TRMT11: variants seen among roughly 807,000 people sequenced by gnomAD.
TRMT11 encodes tRNA methyltransferase 11.
A neutral mutation model predicts 62.8 loss-of-function variants in TRMT11; 53 were observed. The observed-to-expected ratio is 0.84, with a 90% CI of 0.68 to 1.06. The LOEUF (loss-of-function observed/expected upper bound fraction) is 1.06, where lower values mean the gene tolerates loss of function less well. Ranked by LOEUF, TRMT11 falls within the 50% of genes least tolerant of loss-of-function variation. TRMT11 has a pLI of 0.00. For synonymous variants in TRMT11, 188 were observed against 190.3 expected, an observed-to-expected ratio of 0.99 and a Z score of 0.10; for missense variants, 556 against 553.4, an observed-to-expected ratio of 1.00 and a Z score of -0.05.
chr6:126,001,617 A>AT (rs899836773), intron 7 of TRMT11, among the ~76,000 whole-genome samples: 2 of 150,842 alleles, frequency 1.3e-5, no homozygotes, highest in Admixed American at 1.3e-4. Flanking sequence ...ATTTTATTTT[A>AT]TTTTTTTTCT....
chr6:126,162,449 G>A (rs558745532), intron 21 of TRMT11, among the ~76,000 whole-genome samples: 1 of 152,200 alleles, frequency 6.6e-6, no homozygotes, highest in Non-Finnish European at 1.5e-5. Flanking sequence ...GTACCATTCT[G>A]TTTTGGTTAC....
At chr6:126,129,780 C>T (rs867365937) in intron 21 of TRMT11, among the ~76,000 whole-genome samples, 41 of 152,080 alleles carry the variant, frequency 2.7e-4, no homozygotes, top group Non-Finnish European at 3.1e-4. Flanking sequence ...ATTGTATTTC[C>T]GTCTGTTCTC....
chr6:126,000,620 T>TCTCTCTGCATTGGGATCTGCCA (rs1234259434), intron 7 of TRMT11, among the ~76,000 whole-genome samples: 1 of 152,110 alleles, frequency 6.6e-6, no homozygotes, highest in Non-Finnish European at 1.5e-5. Flanking sequence ...TTGAGCTGCC[T>TCTCTCTGCATTGGGATCTGCCA]CTCTCTGCAT....
At chr6:125,998,171 G>A in intron 4 of TRMT11, 37 bp downstream of exon 4, 2 of 1,595,492 alleles carry the variant, frequency 1.3e-6, no homozygotes, top group Non-Finnish European at 8.6e-7. Flanking sequence ...AGGCATGCGT[G>A]CAGATTCTGT....
At chr6:126,141,890 C>T (rs1246284695) in intron 21 of TRMT11, among the ~76,000 whole-genome samples, 1 of 152,042 alleles carries the variant, frequency 6.6e-6, no homozygotes, top group East Asian at 1.9e-4. Flanking sequence ...TCTCAACTGT[C>T]CTTGCCATTT....
chr6:126,001,662 G>C (rs1229421504), intron 7 of TRMT11, among the ~76,000 whole-genome samples: 1 of 151,766 alleles, frequency 6.6e-6, no homozygotes, highest in Non-Finnish European at 1.5e-5. Context: ...ACACATTAAG[G>C]CCATGTAGTA....
At chr6:126,263,958 T>C in the TRMT11 span, among the ~76,000 whole-genome samples, 2 of 152,250 alleles carry the variant, frequency 1.3e-5, no homozygotes, top group Non-Finnish European at 2.9e-5. Flanking sequence ...TAGTTTGTTT[T>C]CGGTTGGGCA....
the TRMT11 span, among the ~76,000 whole-genome samples, chr6:126,211,445 G>T: frequency 1.9e-4 from 29 of 152,056 alleles, no homozygotes; most frequent in African/African-American, 6.7e-4. Context: ...CCTATTATAA[G>T]CTTTCATTAT....
intron 21 of TRMT11, among the ~76,000 whole-genome samples, chr6:126,165,618 C>A (rs1420325024): frequency 6.6e-6 from 1 of 152,204 alleles, no homozygotes; most frequent in African/African-American, 2.4e-5. Context: ...TCCCCACTCT[C>A]TTCTGGCTTC....
chr6:126,134,875 C>T (rs1441651256), intron 21 of TRMT11, among the ~76,000 whole-genome samples: 1 of 151,732 alleles, frequency 6.6e-6, no homozygotes, highest in East Asian at 1.9e-4. Context: ...GGAAATTAGG[C>T]AACGTGCTCT....
chr6:126,008,959 C>T (rs562300580), intron 8 of TRMT11, among the ~76,000 whole-genome samples: 1 of 151,778 alleles, frequency 6.6e-6, no homozygotes, highest in East Asian at 1.9e-4. Flanking sequence ...CTTTTATGAT[C>T]CATTGTGTAC....
intron 21 of TRMT11, among the ~76,000 whole-genome samples, chr6:126,154,708 C>G (rs1368535614): frequency 6.6e-6 from 1 of 152,204 alleles, no homozygotes; most frequent in African/African-American, 2.4e-5. Flanking sequence ...TCTGGGAACA[C>G]TGGGAAAAGT....
chr6:126,011,644 C>T (rs1794216593), intron 9 of TRMT11, among the ~76,000 whole-genome samples: 1 of 151,912 alleles, frequency 6.6e-6, no homozygotes. Flanking sequence ...GCTTGCCATC[C>T]CCTGTTATAT....
chr6:126,075,450 G>A (rs1262192115), intron 17 of TRMT11, among the ~76,000 whole-genome samples: 1 of 151,872 alleles, frequency 6.6e-6, no homozygotes, highest in Non-Finnish European at 1.5e-5. Flanking sequence ...CATGAGATCC[G>A]ATTGTTTAAA....
intron 1 of TRMT11, among the ~76,000 whole-genome samples, chr6:126,180,896 C>T (rs537390158): frequency 3.8e-4 from 58 of 152,110 alleles, no homozygotes; most frequent in Admixed American, 1.2e-3. Flanking sequence ...TAGTTTAAAG[C>T]GCAAAGGGCA....
At chr6:126,048,215 A>G (rs1320203695) in intron 16 of TRMT11, among the ~76,000 whole-genome samples, 2 of 152,216 alleles carry the variant, frequency 1.3e-5, no homozygotes, top group African/African-American at 2.4e-5. Flanking sequence ...GCTAAGCTGA[A>G]AACCAGTGCC....
At chr6:126,232,467 C>T in the TRMT11 span, among the ~76,000 whole-genome samples, 86 of 151,872 alleles carry the variant, frequency 5.7e-4, no homozygotes, top group African/African-American at 1.9e-3. Flanking sequence ...GGTATATATG[C>T]TAAATTGTCT....
intron 1 of TRMT11, among the ~76,000 whole-genome samples, chr6:126,181,867 T>A (rs1157335806): frequency 6.6e-6 from 1 of 152,224 alleles, no homozygotes; most frequent in Admixed American, 6.5e-5. Context: ...TTATTAATTC[T>A]ATTATTTTAA....
chr6:126,186,750 C>T (rs1479707273), intron 1 of TRMT11, among the ~76,000 whole-genome samples: 1 of 151,928 alleles, frequency 6.6e-6, no homozygotes, highest in Non-Finnish European at 1.5e-5. Flanking sequence ...GTTTTATTTT[C>T]TGACACAGCT....
Sources: allele counts gnomAD v4.1 joint callset (sites outside exome capture counted in the v4.1 genomes callset), GRCh38; gene constraint gnomAD v4.1.1; transcripts MANE v1.5; gene names NCBI Gene and HGNC (gene_info 2026-07-23, HGNC 2026-07-21).